PIP4K2A: variants seen among roughly 807,000 people sequenced by gnomAD.
The protein encoded by PIP4K2A is phosphatidylinositol 5-phosphate 4-kinase type-2 alpha.
In PIP4K2A, 14 loss-of-function variants were observed where a neutral mutation model predicts 42.9. The ratio of observed to expected loss-of-function variants is 0.33; its 90% confidence interval spans 0.22 to 0.51. The LOEUF is 0.51. Among genes scored for constraint, PIP4K2A ranks in the 20% least tolerant of loss-of-function variants. The probability of loss-of-function intolerance (pLI) is 0.97; values close to 1 mark genes in which losing one functional copy is unlikely to be tolerated. For missense variants in PIP4K2A, 434 were observed against 519.8 expected (o/e 0.83, Z 1.61); for synonymous variants, 192 against 192.2 (o/e 1.00, Z 0.01).
At chr10:22,613,410 C>G (rs994042971) in intron 1 of PIP4K2A, among the ~76,000 whole-genome samples, 18 of 151,964 alleles carry the variant, frequency 1.2e-4, no homozygotes, top group African/African-American at 4.4e-4. Context: ...GGGATTCAGG[C>G]ATGCAGGAAG....
At chr10:22,623,238 C>T (rs549851634) in intron 1 of PIP4K2A, among the ~76,000 whole-genome samples, 4 of 151,982 alleles carry the variant, frequency 2.6e-5, no homozygotes, top group African/African-American at 4.8e-5. Flanking sequence ...AAAAAAAGCA[C>T]AAAGATCAAG....
intron 1 of PIP4K2A, among the ~76,000 whole-genome samples, chr10:22,628,001 G>C (rs913313849): frequency 5.3e-5 from 8 of 152,134 alleles, no homozygotes; most frequent in Admixed American, 3.3e-4. Context: ...CCAACTACAA[G>C]AAACAGTTGT....
chr10:22,705,339 C>T (rs55645135), intron 1 of PIP4K2A, among the ~76,000 whole-genome samples: 60,634 of 149,206 alleles, frequency 0.41, 13,745 homozygotes, highest in African/African-American at 0.61. Flanking sequence ...TCTCCTGACA[C>T]TCCCTTTATG....
intron 7 of PIP4K2A, among the ~76,000 whole-genome samples, chr10:22,543,907 G>A (rs556471005): frequency 6.6e-6 from 1 of 152,286 alleles, no homozygotes; most frequent in Admixed American, 6.5e-5. Context: ...ATCCAAGGCA[G>A]GGGGCAGGCT....
intron 7 of PIP4K2A, among the ~76,000 whole-genome samples, chr10:22,544,312 G>T (rs976262692): frequency 1.3e-5 from 2 of 152,006 alleles, no homozygotes; most frequent in Non-Finnish European, 2.9e-5. Flanking sequence ...CAATGCTTGA[G>T]GGGTATGGTG....
rs185048643 is a variant in PIP4K2A, at chr10:22,549,828, G to A, written c.792+831C>T. 7.9e-3 allele frequency among the ~76,000 whole-genome samples: 612 copies of A among 77,714 alleles called. 8 individuals carry two copies. The highest frequency in any genetic ancestry group is 0.027 in the African/African-American group (549 of 20,014). The allele number at this position is 77,714 out of a possible 152,430, so 51.0% of individuals were successfully genotyped here. A position where few individuals can be genotyped will look rare whatever the true frequency, so the allele number is the denominator to read the frequency against. On this transcript the variant is annotated intron_variant, in intron 7 of 9. Transcript: ENST00000376573. ...TGCACTCCAGCCTAGAAGACAGTGA[G>A]AATCCATCTCAAAAAAAAAAAAAAA...
At chr10:22,562,381 T>C (rs1836733064) in intron 6 of PIP4K2A, among the ~76,000 whole-genome samples, 1 of 152,130 alleles carries the variant, frequency 6.6e-6, no homozygotes, top group Non-Finnish European at 1.5e-5. Context: ...ACTCCGTCTC[T>C]ACTAAAAATA....
intron 1 of PIP4K2A, among the ~76,000 whole-genome samples, chr10:22,708,417 T>C (rs1833858032): frequency 6.6e-6 from 1 of 152,208 alleles, no homozygotes; most frequent in South Asian, 2.1e-4. Flanking sequence ...CTCAATGGTC[T>C]ATCCCAGCCC....
chr10:22,706,493 G>A (rs564706382), intron 1 of PIP4K2A, among the ~76,000 whole-genome samples: 111 of 152,142 alleles, frequency 7.3e-4, no homozygotes, highest in Non-Finnish European at 1.4e-3. Context: ...CTTCACCGAC[G>A]TCATGCCTTT....
At chr10:22,595,690 G>C (rs970001785) in intron 3 of PIP4K2A, among the ~76,000 whole-genome samples, 47 of 152,052 alleles carry the variant, frequency 3.1e-4, no homozygotes, top group African/African-American at 1.1e-3. Context: ...CTGGGAGGCA[G>C]AGATTGCAAT....
At chr10:22,623,414 G>A (rs963621069) in intron 1 of PIP4K2A, among the ~76,000 whole-genome samples, 1 of 152,198 alleles carries the variant, frequency 6.6e-6, no homozygotes, top group African/African-American at 2.4e-5. Flanking sequence ...TAAGGCAAGG[G>A]TCGCAAGGGT....
intron 1 of PIP4K2A, among the ~76,000 whole-genome samples, chr10:22,689,391 C>G (rs935899816): frequency 1.3e-5 from 2 of 152,210 alleles, no homozygotes; most frequent in Non-Finnish European, 2.9e-5. Context: ...GGTTCCGCAT[C>G]CGATGGAAAA....
chr10:22,711,808 A>C (rs886369185), intron 1 of PIP4K2A, among the ~76,000 whole-genome samples: 2 of 152,246 alleles, frequency 1.3e-5, no homozygotes, highest in Non-Finnish European at 2.9e-5. Flanking sequence ...ACCTAAAATG[A>C]AATCAAACCA....
intron 1 of PIP4K2A, among the ~76,000 whole-genome samples, chr10:22,671,050 A>T (rs957490218): frequency 2.0e-5 from 3 of 152,204 alleles, no homozygotes; most frequent in Non-Finnish European, 4.4e-5. Flanking sequence ...CTGAGTACCC[A>T]AGAGACACTG....
intron 4 of PIP4K2A, among the ~76,000 whole-genome samples, chr10:22,590,932 G>T (rs1254688310): frequency 6.6e-6 from 1 of 152,212 alleles, no homozygotes; most frequent in Admixed American, 6.5e-5. Flanking sequence ...TTTGAGCCCA[G>T]GATTGTCCAA....
chr10:22,575,555 C>T (rs1837092855), intron 4 of PIP4K2A, among the ~76,000 whole-genome samples: 1 of 152,112 alleles, frequency 6.6e-6, no homozygotes, highest in Admixed American at 6.5e-5. Context: ...AGTTGTCCCC[C>T]CTTAGGAAAA....
intron 1 of PIP4K2A, among the ~76,000 whole-genome samples, chr10:22,648,371 C>T (rs964145679): frequency 4.6e-5 from 7 of 152,116 alleles, no homozygotes; most frequent in African/African-American, 1.7e-4. Context: ...CATTAAATGG[C>T]CCTCTGGTTA....
rs571552857 is a variant in PIP4K2A at position 22,675,188 on chromosome 10, G to A, written c.144+38995C>T. On this transcript the variant is annotated intron_variant, in intron 1 of 9. Coordinates refer to ENST00000376573, the MANE Select transcript of PIP4K2A (RefSeq NM_005028.5). Reference sequence around the variant, plus strand: ...CATTGACTAAAAATTGGGAACATTTGTATTCATGTAAGAGTGGAGATAGTA... The same window carrying A: ...CATTGACTAAAAATTGGGAACATTTATATTCATGTAAGAGTGGAGATAGTA... Among the ~76,000 whole-genome samples the A allele has an allele frequency of 2.6e-5, 4 of 152,254 alleles. No homozygotes were observed. In the South Asian group the frequency reaches 6.2e-4, roughly 24 times the overall value.
intron 1 of PIP4K2A, among the ~76,000 whole-genome samples, chr10:22,611,810 C>T (rs746999808): frequency 1.3e-5 from 2 of 152,182 alleles, no homozygotes; most frequent in Non-Finnish European, 2.9e-5. Flanking sequence ...ATAATAAACA[C>T]AATGCGAATG....
Sources: allele counts gnomAD v4.1 joint callset (sites outside exome capture counted in the v4.1 genomes callset), GRCh38; gene constraint gnomAD v4.1.1; transcripts MANE v1.5; gene names NCBI Gene and HGNC (gene_info 2026-07-23, HGNC 2026-07-21).